Variants in DNAH9 observed in about 807,000 individuals in gnomAD.
The protein encoded by DNAH9 is dynein axonemal heavy chain 9.
In DNAH9, 345 loss-of-function variants were observed where a neutral mutation model predicts 471.6. The observed-to-expected ratio is 0.73, with a 90% CI of 0.67 to 0.80. The LOEUF (loss-of-function observed/expected upper bound fraction) is 0.80. Among genes scored for constraint, DNAH9 ranks in the 30% least tolerant of loss-of-function variants. The pLI, the probability that DNAH9 is intolerant of heterozygous loss-of-function variation, is 0.00. For missense variants in DNAH9, 5,407 were observed against 5,609.2 expected (o/e 0.96, Z 1.15); for synonymous variants, 2,093 against 2,123.6 (o/e 0.99, Z 0.40).
At chr17:11,721,372 A>G (rs1422500900) in intron 27 of DNAH9, among the ~76,000 whole-genome samples, 3 of 152,178 alleles carry the variant, frequency 2.0e-5, no homozygotes, top group African/African-American at 7.2e-5. Context: ...AACATCATAA[A>G]TAAGCATAGC....
In DNAH9 at chr17:11,822,865, C is replaced by T. The variant is rs958300922; in HGVS notation, c.9077C>T (p.Ser3026Phe). 2 of 1,614,238 alleles carry T rather than the reference C, an allele frequency of 1.2e-6. No homozygotes were observed. The highest frequency in any genetic ancestry group is 1.7e-6 in the Non-Finnish European group (2 of 1,180,044). The change falls in exon 48 of 69, where the codon TCC becomes TTC. Residue 3026 changes from serine to phenylalanine, a missense_variant. Physicochemically the swap from Ser to Phe is radical, Grantham distance 155. Coordinates refer to ENST00000262442, the MANE Select transcript of DNAH9 (RefSeq NM_001372.4). Reference sequence around the variant, plus strand: ...GTCCACACAAGTGTCAACCAAACATCCCAGTCTTATCTGAGCAATGAACAG... The same window carrying T: ...GTCCACACAAGTGTCAACCAAACATTCCAGTCTTATCTGAGCAATGAACAG... ...AFVHTSVNQT[S>F]QSYLSNEQRY... is the part of the protein sequence containing the mutation.
intron 59 of DNAH9, among the ~76,000 whole-genome samples, chr17:11,898,876 G>A (rs1442354772): frequency 6.6e-6 from 1 of 152,216 alleles, no homozygotes; most frequent in Non-Finnish European, 1.5e-5. Context: ...TCACGAAATG[G>A]ATTGTTTGGT....
At chr17:11,663,812 C>A (rs544079349) in intron 14 of DNAH9, among the ~76,000 whole-genome samples, 1 of 152,256 alleles carries the variant, frequency 6.6e-6, no homozygotes, top group South Asian at 2.1e-4. Context: ...CATCTTAATA[C>A]CCGAGAGAAA....
chr17:11,807,606 G>A, intron 43 of DNAH9, 126 bp from the exon 44 acceptor site: 2 of 1,044,210 alleles, frequency 1.9e-6, no homozygotes, highest in Non-Finnish European at 2.8e-6. Flanking sequence ...TCTAATAAAC[G>A]TTTCCCACAG....
intron 9 of DNAH9, among the ~76,000 whole-genome samples, chr17:11,637,989 G>C (rs1243485228): frequency 6.6e-6 from 1 of 152,086 alleles, no homozygotes; most frequent in Non-Finnish European, 1.5e-5. Context: ...AGAGGATATG[G>C]AATGTGATCA....
intron 41 of DNAH9, among the ~76,000 whole-genome samples, chr17:11,789,584 G>A (rs1968994118): frequency 6.6e-6 from 1 of 151,746 alleles, no homozygotes; most frequent in African/African-American, 2.4e-5. Context: ...TCCTTGCTAG[G>A]GAGTTAGCAA....
Position 11,738,685 on chromosome 17 carries a change from C to A in DNAH9, c.5815-195C>A, listed in dbSNP as rs140529141. Among the ~76,000 whole-genome samples the A allele has an allele frequency of 1.2e-3, 182 of 152,216 alleles. 1 individual carries two copies. The highest frequency in any genetic ancestry group is 4.1e-3 in the African/African-American group (171 of 41,548). On this transcript the variant is annotated intron_variant, in intron 28 of 68. Coordinates refer to ENST00000262442, the MANE Select transcript of DNAH9 (RefSeq NM_001372.4). The stretch of plus-strand genomic sequence containing the variant: ...CATGAGCCACTGTGCCTAGCAGTGG[C>A]CAGATTTCTTTTAGACATGCAACCA...
intron 67 of DNAH9, among the ~76,000 whole-genome samples, chr17:11,954,362 A>G (rs1031845869): frequency 1.3e-5 from 2 of 152,204 alleles, no homozygotes; most frequent in Admixed American, 6.5e-5. Context: ...AGCCTAATGA[A>G]AACATTGTAA....
At chr17:11,891,357 G>GT (rs113389875) in intron 57 of DNAH9, among the ~76,000 whole-genome samples, 3,187 of 152,006 alleles carry the variant, frequency 0.021, 113 homozygotes, top group African/African-American at 0.073. Context: ...CATTTCTTTG[G>GT]TTTTTTTTGT....
At chr17:11,604,658 C>G (rs1197686477) in intron 1 of DNAH9, among the ~76,000 whole-genome samples, 1 of 152,200 alleles carries the variant, frequency 6.6e-6, no homozygotes, top group Non-Finnish European at 1.5e-5. Context: ...TCCATTCTTC[C>G]CGTTGTTCAA....
At position 11,962,118 on chromosome 17, in the gene DNAH9, C is replaced by T; in HGVS notation, c.13095C>T (p.Arg4365=). The T allele has an allele frequency of 6.2e-7, 1 of 1,614,180 alleles. No individual in the cohort carries two copies. The highest frequency in any genetic ancestry group is 8.5e-7 in the Non-Finnish European group (1 of 1,180,032). ...FLTAIMQSTA[R]KNEWPLDQMA... Reference sequence around the variant, plus strand: ...CTGCCATCATGCAGTCCACGGCTCGCAAGAATGAGTGGCCACTGGACCAGA... The same window carrying T: ...CTGCCATCATGCAGTCCACGGCTCGTAAGAATGAGTGGCCACTGGACCAGA... Residue 4365 remains arginine, a synonymous_variant, in exon 68 of 69, where the codon CGC becomes CGT. Coordinates refer to ENST00000262442, the MANE Select transcript of DNAH9 (RefSeq NM_001372.4). The surrounding 1 kb of genome is among the most constrained non-coding windows in gnomAD (Gnocchi z 4.1).
intron 28 of DNAH9, among the ~76,000 whole-genome samples, chr17:11,729,671 G>A (rs1048549439): frequency 2.0e-5 from 3 of 152,150 alleles, no homozygotes; most frequent in South Asian, 2.1e-4. Flanking sequence ...TGGCAGAAGG[G>A]GGGTGGGAGG....
intron 43 of DNAH9, among the ~76,000 whole-genome samples, chr17:11,807,453 C>G (rs548763323): frequency 2.6e-5 from 4 of 152,174 alleles, no homozygotes; most frequent in Non-Finnish European, 5.9e-5. Flanking sequence ...CCTTCCCTAT[C>G]GCATCACTCA....
rs1555568186 is a variant in DNAH9, at chr17:11,698,164, T to TATATTAATATA, written c.4873-1565_4873-1564insATTAATATAAT. ...TATTAGTATTATATTATTAATATAT[T>TATATTAATATA]ATTATATTAATATATTATTATATTA... On this transcript the variant is annotated intron_variant, in intron 22 of 68. Coordinates refer to ENST00000262442, the MANE Select transcript of DNAH9 (RefSeq NM_001372.4). Among the ~76,000 whole-genome samples, 44 of 79,706 alleles carry TATATTAATATA rather than the reference T, an allele frequency of 5.5e-4. 1 individual carries two copies. Among genetic ancestry groups the TATATTAATATA allele is most frequent in the African/African-American group, 2.2e-3 (31 of 14,034 alleles). 52.3% of individuals were successfully genotyped at this position (79,706 alleles called of 152,430 possible). A position where few individuals can be genotyped will look rare whatever the true frequency, so the allele number is the denominator to read the frequency against.
Position 11,629,482 on chromosome 17 carries a change from G to C in DNAH9, c.1416G>C (p.Gly472=). 1 of 1,613,846 alleles carries C rather than the reference G, an allele frequency of 6.2e-7. No individual in the cohort carries two copies. Among genetic ancestry groups the C allele is most frequent in the Non-Finnish European group, 8.5e-7 (1 of 1,179,730 alleles). The change falls in exon 7 of 69, where the codon GGG becomes GGC. Residue 472 remains glycine (G), a synonymous_variant. Coordinates refer to ENST00000262442, the MANE Select transcript of DNAH9 (RefSeq NM_001372.4). ...AGGTGGAGTTCAGCGGCGTCAGAGGGAATGCTCTGAGTCAGCAGGTCCAGC... is the reference window on the plus strand; with the variant it reads ...AGGTGGAGTTCAGCGGCGTCAGAGGCAATGCTCTGAGTCAGCAGGTCCAGC... ...LGKVEFSGVR[G]NALSQQVQQM...
chr17:11,822,210 A>G, intron 46 of DNAH9, 148 bp downstream of exon 46: 1 of 1,068,948 alleles, frequency 9.4e-7, no homozygotes, highest in Non-Finnish European at 1.3e-6. Context: ...CACAGTTGCC[A>G]GGACACCCTT....
intron 68 of DNAH9, among the ~76,000 whole-genome samples, chr17:11,964,125 A>G (rs1455014508): frequency 6.6e-6 from 1 of 152,216 alleles, no homozygotes; most frequent in Non-Finnish European, 1.5e-5. Flanking sequence ...GCAATTCAAG[A>G]GCCAACAGAA....
At chr17:11,803,503 GTAATGGACTT>G (rs1157760764) in intron 43 of DNAH9, among the ~76,000 whole-genome samples, 1 of 152,208 alleles carries the variant, frequency 6.6e-6, no homozygotes, top group Non-Finnish European at 1.5e-5. Flanking sequence ...CAGAAATTCA[GTAATGGACTT>G]AACTTAGACT....
Position 11,622,914 on chromosome 17 carries a change from G to A in DNAH9, c.1350+3133G>A, listed in dbSNP as rs763411635. Among the ~76,000 whole-genome samples, 15 of 151,258 alleles carry A rather than the reference G, an allele frequency of 9.9e-5. 1 individual carries two copies. Among genetic ancestry groups the A allele is most frequent in the Non-Finnish European group, 2.2e-4 (15 of 67,842 alleles). On this transcript the variant is annotated intron_variant, in intron 6 of 68. Transcript: ENST00000262442. The stretch of plus-strand genomic sequence containing the variant: ...TACGTGTCGTTCTGTCCTTGGCTCT[G>A]GTTAGCTGCTTTGCTCCTGTGCCCA...
Sources: gnomAD v4.1 joint callset for allele counts (sites outside exome capture counted in the v4.1 genomes callset) on GRCh38, gnomAD v4.1.1 for gene constraint, Gnocchi (gnomAD v3.1) non-coding constraint, MANE v1.5 for transcripts, NCBI Gene and HGNC (gene_info 2026-07-23, HGNC 2026-07-21) for gene names.